STARD13: variants seen among roughly 807,000 people sequenced by gnomAD.
STARD13 encodes the protein StAR related lipid transfer domain containing 13.
STARD13 carries 62 observed loss-of-function variants against 106.4 expected under a neutral mutation model. The ratio of observed to expected loss-of-function variants is 0.58; its 90% CI spans 0.48 to 0.72. The LOEUF is 0.72. Among genes scored for constraint, STARD13 ranks in the 30% least tolerant of loss-of-function variants. The pLI is 0.00. For synonymous variants in STARD13, 565 were observed against 553.0 expected (o/e 1.02, Z -0.31); for missense variants, 1,387 against 1,424.0 (o/e 0.97, Z 0.42).
At chr13:33,520,922 T>C in the STARD13 span, among the ~76,000 whole-genome samples, 1 of 152,118 alleles carries the variant, frequency 6.6e-6, no homozygotes, top group Admixed American at 6.5e-5. Context: ...GTCTCAACTC[T>C]TACAAAGCCT....
intron 1 of STARD13, among the ~76,000 whole-genome samples, chr13:33,238,392 A>G (rs1184269303): frequency 6.6e-6 from 1 of 152,218 alleles, no homozygotes; most frequent in African/African-American, 2.4e-5. Context: ...GGGTCAAATA[A>G]GGTGAAAGAT....
the STARD13 span, among the ~76,000 whole-genome samples, chr13:33,406,789 C>CA: frequency 6.6e-6 from 1 of 152,144 alleles, no homozygotes; most frequent in South Asian, 2.1e-4. Flanking sequence ...ATAAAGGACC[C>CA]TTGTTGATAG....
the STARD13 span, among the ~76,000 whole-genome samples, chr13:33,620,319 G>A: frequency 1.4e-5 from 2 of 142,796 alleles, no homozygotes; most frequent in African/African-American, 5.3e-5. Context: ...GTCTCACTCT[G>A]TCGCCCAGGC....
chr13:33,432,714 A>G, the STARD13 span, among the ~76,000 whole-genome samples: 2 of 152,202 alleles, frequency 1.3e-5, no homozygotes, highest in Non-Finnish European at 2.9e-5. Flanking sequence ...TATAAAAGGC[A>G]TTTTCAGAAG....
the STARD13 span, among the ~76,000 whole-genome samples, chr13:33,612,459 A>T: frequency 6.6e-6 from 1 of 152,150 alleles, no homozygotes; most frequent in Non-Finnish European, 1.5e-5. Context: ...AGACACGGTG[A>T]TCCACACTCA....
the STARD13 span, among the ~76,000 whole-genome samples, chr13:33,671,616 GC>G: frequency 6.6e-6 from 1 of 152,152 alleles, no homozygotes; most frequent in Non-Finnish European, 1.5e-5. Context: ...TTTATTCCCA[GC>G]TACTTTGGAG....
intron 1 of STARD13, among the ~76,000 whole-genome samples, chr13:33,224,132 C>T (rs1004636017): frequency 6.6e-5 from 10 of 152,282 alleles, no homozygotes; most frequent in African/African-American, 2.4e-4. Context: ...AGCAGTTACA[C>T]TTGATAATGT....
rs201721373 is a variant in STARD13, at chr13:33,177,768, AAAGGAAGG to A, written c.170-10154_170-10147del. On this transcript the variant is annotated intron_variant, in intron 1 of 13. Transcript: ENST00000336934. Reference sequence around the variant, plus strand: ...GAAGGAAAAAAGGAAGGAAGGAAGGAAAGGAAGGAAGGAAGGAAGGAAGGAAGGAAGGA... The same window carrying A: ...GAAGGAAAAAAGGAAGGAAGGAAGGAAAGGAAGGAAGGAAGGAAGGAAGGA... Among the ~76,000 whole-genome samples the A allele has an allele frequency of 1.2e-3, 59 of 50,664 alleles. 5 individuals carry two copies. Among genetic ancestry groups the A allele is most frequent in the South Asian group, 3.1e-3 (3 of 958 alleles). The allele number at this position is 50,664 out of a possible 152,430, so 33.2% of individuals were successfully genotyped here.
At chr13:33,635,418 G>A in the STARD13 span, among the ~76,000 whole-genome samples, 2 of 152,210 alleles carry the variant, frequency 1.3e-5, no homozygotes, top group African/African-American at 4.8e-5. Context: ...CCAGCACTTT[G>A]GGAGGCTGAG....
the STARD13 span, among the ~76,000 whole-genome samples, chr13:33,542,635 C>T: frequency 3.9e-4 from 59 of 152,354 alleles, no homozygotes; most frequent in East Asian, 7.2e-3. Flanking sequence ...GGTTTCCGCT[C>T]CGGGGCTCGT....
At chr13:33,226,818 T>C (rs568452893) in intron 1 of STARD13, among the ~76,000 whole-genome samples, 96 of 152,340 alleles carry the variant, frequency 6.3e-4, no homozygotes, top group African/African-American at 2.3e-3. Context: ...TTCAGGCTAG[T>C]CCAAGCGATG....
the STARD13 span, among the ~76,000 whole-genome samples, chr13:33,408,878 G>A: frequency 2.0e-5 from 3 of 151,822 alleles, no homozygotes; most frequent in African/African-American, 7.3e-5. Flanking sequence ...TCTTTCCCGA[G>A]ATATCGGGAT....
At chr13:33,595,510 A>T in the STARD13 span, among the ~76,000 whole-genome samples, 3 of 152,180 alleles carry the variant, frequency 2.0e-5, no homozygotes, top group Non-Finnish European at 4.4e-5. Flanking sequence ...AGTTTAAAAG[A>T]TTATAAAATG....
At chr13:33,565,948 AATCCAGT>A in the STARD13 span, among the ~76,000 whole-genome samples, 1 of 148,532 alleles carries the variant, frequency 6.7e-6, no homozygotes, top group African/African-American at 2.5e-5. Flanking sequence ...AAAATAACTT[AATCCAGT>A]AGCTTTCCCC....
In STARD13 at chr13:33,318,097, C is replaced by T. The variant is rs114563576; in HGVS notation, c.124+32193G>A. Among the ~76,000 whole-genome samples the T allele has an allele frequency of 5.0e-3, 756 of 152,226 alleles. 7 individuals carry two copies. Among genetic ancestry groups the T allele is most frequent in the African/African-American group, 0.017 (701 of 41,548 alleles). ...GTGTCCAATCTATTGGGAGGTAATA[C>T]GATCTAGCCCTCTGCCTTCAGCAAG... On this transcript the variant is annotated intron_variant, in intron 1 of 5. Transcript: ENST00000567873.
At chr13:33,601,195 G>A in the STARD13 span, among the ~76,000 whole-genome samples, 2 of 151,660 alleles carry the variant, frequency 1.3e-5, no homozygotes, top group Non-Finnish European at 2.9e-5. Context: ...TTTTTTTCCA[G>A]GTTTCAAAAA....
the STARD13 span, among the ~76,000 whole-genome samples, chr13:33,501,256 T>C: frequency 1.3e-5 from 2 of 151,910 alleles, no homozygotes; most frequent in Admixed American, 6.6e-5. Context: ...TTTGTATTTT[T>C]CTATAAAAAT....
At chr13:33,458,057 A>G in the STARD13 span, among the ~76,000 whole-genome samples, 5 of 152,168 alleles carry the variant, frequency 3.3e-5, no homozygotes, top group Non-Finnish European at 7.3e-5. Context: ...CCATCATCTT[A>G]CATGGTTATA....
At chr13:33,396,844 G>A in the STARD13 span, among the ~76,000 whole-genome samples, 1 of 152,156 alleles carries the variant, frequency 6.6e-6, no homozygotes, top group Non-Finnish European at 1.5e-5. Flanking sequence ...ATCCCTGAGG[G>A]AATGGAAATA....
Sources: gnomAD v4.1 joint callset for allele counts (sites outside exome capture counted in the v4.1 genomes callset) on GRCh38, gnomAD v4.1.1 for gene constraint, MANE v1.5 for transcripts, NCBI Gene and HGNC (gene_info 2026-07-23, HGNC 2026-07-21) for gene names.